AK8: variants seen among roughly 807,000 people sequenced by gnomAD.
AK8 encodes ATP-AMP transphosphorylase 8.
In AK8, 44 loss-of-function variants were observed where a neutral mutation model predicts 54.6. The ratio of observed to expected loss-of-function variants is 0.81; its 90% CI spans 0.63 to 1.04. The LOEUF is 1.04. AK8 is among the 50% of genes least tolerant of loss of function. The pLI, the probability that AK8 is intolerant of heterozygous loss-of-function variation, is 0.00. For synonymous variants in AK8, 239 were observed against 245.6 expected (o/e 0.97, Z 0.25); for missense variants, 555 against 613.6 (o/e 0.90, Z 1.01).
Position 132,863,024 on chromosome 9 carries a change from T to A in AK8, c.333+641A>T, listed in dbSNP as rs1050092264. On this transcript the variant is annotated intron_variant, in intron 4 of 12. Transcript: ENST00000298545. Reference sequence around the variant, plus strand: ...AGTTTCTATTTGTATTAAAGAGAAATAATGTGATCAAGCCTTATATTTCCC... The same window carrying A: ...AGTTTCTATTTGTATTAAAGAGAAAAAATGTGATCAAGCCTTATATTTCCC... 2.0e-5 allele frequency among the ~76,000 whole-genome samples: 3 copies of A among 152,364 alleles called. No homozygotes were observed. In the East Asian group the frequency reaches 5.8e-4, roughly 29 times the overall value.
chr9:132,777,852 G>T (rs73546960), intron 11 of AK8, among the ~76,000 whole-genome samples: 1 of 152,174 alleles, frequency 6.6e-6, no homozygotes, highest in Admixed American at 6.5e-5. Flanking sequence ...CAAGGCTGTG[G>T]GTCCCACCCC....
intron 10 of AK8, among the ~76,000 whole-genome samples, chr9:132,797,203 A>G (rs1382631866): frequency 7.1e-6 from 1 of 141,128 alleles, no homozygotes; most frequent in Non-Finnish European, 1.6e-5. Context: ...TGCCCACCCC[A>G]TGAAAGCAGG....
At chr9:132,760,187 ATT>A (rs747942992) in intron 11 of AK8, among the ~76,000 whole-genome samples, 2 of 144,884 alleles carry the variant, frequency 1.4e-5, no homozygotes. Flanking sequence ...TACGTTGTTA[ATT>A]TTTTTTTTTT....
chr9:132,854,203 C>T (rs770894775), intron 5 of AK8, among the ~76,000 whole-genome samples: 1 of 151,952 alleles, frequency 6.6e-6, no homozygotes, highest in African/African-American at 2.4e-5. Flanking sequence ...CTGTCTCAAA[C>T]GTATATATAC....
At chr9:132,754,469 G>A (rs1050455798) in intron 11 of AK8, among the ~76,000 whole-genome samples, 11 of 152,316 alleles carry the variant, frequency 7.2e-5, no homozygotes, top group African/African-American at 2.6e-4. Context: ...AGATCAGTAA[G>A]CATGCAAATG....
intron 11 of AK8, among the ~76,000 whole-genome samples, chr9:132,756,777 C>T (rs144955681): frequency 1.5e-4 from 23 of 152,256 alleles, no homozygotes; most frequent in African/African-American, 4.1e-4. Context: ...CCATTGTCAT[C>T]ATCCCCCCTT....
At chr9:132,875,670 T>C (rs1314327545) in intron 1 of AK8, among the ~76,000 whole-genome samples, 1 of 152,226 alleles carries the variant, frequency 6.6e-6, no homozygotes, top group Non-Finnish European at 1.5e-5. Flanking sequence ...ATATGTCAGA[T>C]GCTCCTGCAC....
intron 5 of AK8, among the ~76,000 whole-genome samples, chr9:132,839,084 C>T (rs1012115186): frequency 6.6e-6 from 1 of 151,980 alleles, no homozygotes; most frequent in Non-Finnish European, 1.5e-5. Context: ...GTTAGGATTA[C>T]AGGCGCCCAC....
At chr9:132,835,294 C>A (rs1842278090) in intron 5 of AK8, among the ~76,000 whole-genome samples, 1 of 152,210 alleles carries the variant, frequency 6.6e-6, no homozygotes, top group African/African-American at 2.4e-5. Context: ...TGTTCTGTCC[C>A]CAGATGCACC....
At chr9:132,854,276 G>T (rs1178765012) in intron 5 of AK8, among the ~76,000 whole-genome samples, 1 of 152,066 alleles carries the variant, frequency 6.6e-6, no homozygotes, top group East Asian at 1.9e-4. Flanking sequence ...GACCCAATAG[G>T]GTTCCTGTGA....
intron 4 of AK8, among the ~76,000 whole-genome samples, 192 bp from the exon 5 acceptor site, chr9:132,855,117 C>T (rs1843125782): frequency 6.6e-6 from 1 of 152,138 alleles, no homozygotes; most frequent in Non-Finnish European, 1.5e-5. Flanking sequence ...TGAGGGCCTC[C>T]CTCACACATG....
intron 2 of AK8, among the ~76,000 whole-genome samples, chr9:132,870,071 G>A (rs1052135801): frequency 6.6e-6 from 1 of 152,194 alleles, no homozygotes; most frequent in Non-Finnish European, 1.5e-5. Flanking sequence ...CTCGGCAAGG[G>A]CCTTTGGGGA....
chr9:132,766,081 C>T (rs945034126), intron 11 of AK8, among the ~76,000 whole-genome samples: 6 of 152,168 alleles, frequency 3.9e-5, no homozygotes, highest in African/African-American at 1.4e-4. Context: ...AGAAAGCAAT[C>T]CCAATTACCA....
intron 11 of AK8, among the ~76,000 whole-genome samples, chr9:132,773,801 C>G (rs1415225357): frequency 6.6e-6 from 1 of 152,132 alleles, no homozygotes. Context: ...TATGGAGGTG[C>G]AGGGCAAGAA....
intron 11 of AK8, among the ~76,000 whole-genome samples, chr9:132,766,741 C>T (rs1838740120): frequency 6.6e-6 from 1 of 152,032 alleles, no homozygotes; most frequent in Non-Finnish European, 1.5e-5. Flanking sequence ...TACTACAAAG[C>T]TATAGTAACC....
intron 5 of AK8, among the ~76,000 whole-genome samples, chr9:132,830,029 T>C (rs1842041144): frequency 6.6e-6 from 1 of 152,216 alleles, no homozygotes; most frequent in Admixed American, 6.5e-5. Context: ...AGATACCTTT[T>C]TTCCCGGTGG....
In AK8 at chr9:132,833,587, G is replaced by T. The variant is rs76681115; in HGVS notation, c.403-4861C>A. On this transcript the variant is annotated intron_variant, in intron 5 of 12. Coordinates refer to ENST00000298545, the MANE Select transcript of AK8 (RefSeq NM_152572.3). ...TTCGCTCACCGTACCCCCGTGGCTC[G>T]GTTCTGTTTTATCACACATCAAAAA... 4.2e-3 allele frequency among the ~76,000 whole-genome samples: 641 copies of T among 152,266 alleles called. 7 individuals carry two copies. The highest frequency in any genetic ancestry group is 0.014 in the African/African-American group (591 of 41,560).
intron 11 of AK8, among the ~76,000 whole-genome samples, chr9:132,744,509 G>A (rs1342743556): frequency 1.3e-5 from 2 of 151,840 alleles, no homozygotes; most frequent in South Asian, 2.1e-4. Flanking sequence ...AAAGAGAAAC[G>A]GTCTCATGAT....
At position 132,808,335 on chromosome 9, in the gene AK8, G is replaced by T. The variant is rs78186580; in HGVS notation, c.979+6303C>A. 4.4e-3 allele frequency among the ~76,000 whole-genome samples: 667 copies of T among 152,166 alleles called. 12 individuals carry two copies. Among genetic ancestry groups the T allele is most frequent in the African/African-American group, 0.015 (639 of 41,516 alleles). On this transcript the variant is annotated intron_variant, in intron 10 of 12. Coordinates refer to ENST00000298545, the MANE Select transcript of AK8 (RefSeq NM_152572.3). ...GCTCAAGTCAGAACGAGTTTAGGGG[G>T]TCAGACCTATATATTTCAAAGTCCA...
Sources: gnomAD v4.1 joint callset for allele counts (sites outside exome capture counted in the v4.1 genomes callset) on GRCh38, gnomAD v4.1.1 for gene constraint, MANE v1.5 for transcripts, NCBI Gene and HGNC (gene_info 2026-07-23, HGNC 2026-07-21) for gene names.